MTSS2: variants seen among roughly 807,000 people sequenced by gnomAD.
MTSS2 encodes protein MTSS 2.
A neutral mutation model predicts 67.1 loss-of-function variants in MTSS2; 27 were observed. The ratio of observed to expected loss-of-function variants is 0.40; its 90% CI spans 0.30 to 0.55. The LOEUF is 0.55. Ranked by LOEUF, MTSS2 falls within the 20% of genes least tolerant of loss-of-function variation. MTSS2 has a pLI of 0.43. For synonymous variants in MTSS2, 624 were observed against 468.6 expected, an observed-to-expected ratio of 1.33 and a Z score of -4.28; for missense variants, 1,171 against 1,067.8, an observed-to-expected ratio of 1.10 and a Z score of -1.35.
chr16:70,670,045 T>A (rs1597807039), intron 11 of MTSS2, among the ~76,000 whole-genome samples: 1 of 149,850 alleles, frequency 6.7e-6, no homozygotes, highest in South Asian at 2.1e-4. Flanking sequence ...CTGAGGGGGG[T>A]GGACTGCCTG....
chr16:70,677,948 G>C (rs371907907), intron 8 of MTSS2, 49 bp from the exon 9 acceptor site: 1 of 1,420,308 alleles, frequency 7.0e-7, no homozygotes. Context: ...CCACCTGCCC[G>C]CCTGCCCAGC....
chr16:70,661,292 T>G lies in MTSS2; in HGVS notation c.*2385A>C. On this transcript the variant is annotated 3_prime_UTR_variant, in exon 15 of 15. Coordinates refer to ENST00000338779, the MANE Select transcript of MTSS2 (RefSeq NM_138383.3). ...GTGACTATATTTAAATCGGGGAGGA[T>G]GGTGTGGAGGGGGCGGGGAGGAGAG... 2.3e-6 allele frequency: 1 copy of G among 437,278 alleles called. No homozygotes were observed. Among genetic ancestry groups the G allele is most frequent in the African/African-American group, 2.2e-5 (1 of 44,782 alleles). The allele number at this position is 437,278 out of a possible 1,614,324, so 27.1% of individuals were successfully genotyped here.
Position 70,663,653 on chromosome 16 carries a change from G to A in MTSS2, c.*24C>T. On this transcript the variant is annotated 3_prime_UTR_variant, in exon 15 of 15. Transcript: ENST00000338779. ...AGGCCACCTGCTCGCACTGGGGCCT[G>A]AGAGGATGGGGAGGGTGGCGCCATC... The A allele has an allele frequency of 6.4e-7, 1 of 1,550,768 alleles. No individual in the cohort carries two copies. Among genetic ancestry groups the A allele is most frequent in the Non-Finnish European group, 8.7e-7 (1 of 1,148,978 alleles).
chr16:70,681,932 C>T (rs1472849052), intron 1 of MTSS2, among the ~76,000 whole-genome samples: 1 of 152,218 alleles, frequency 6.6e-6, no homozygotes, highest in Non-Finnish European at 1.5e-5. Context: ...CAGCCAAGCC[C>T]CAGCCCACAG....
At chr16:70,683,287 G>A (rs532699397) in intron 1 of MTSS2, among the ~76,000 whole-genome samples, 1 of 152,330 alleles carries the variant, frequency 6.6e-6, no homozygotes, top group East Asian at 1.9e-4. Flanking sequence ...ATCAGGAGAG[G>A]AGGAGCACCT....
chr16:70,679,642 T>C lies in MTSS2; in HGVS notation c.445A>G (p.Lys149Glu), dbSNP rs2053233409. Residue 149 changes from lysine (K) to glutamate (E), a missense_variant, in exon 6 of 15, where the codon AAG becomes GAG. By Grantham distance (56) the Lys-to-Glu change is moderately conservative. This residue lies in a region of MTSS2 where 247 missense variants were observed against 311.8 expected (regional missense o/e 0.79). Coordinates refer to ENST00000338779, the MANE Select transcript of MTSS2 (RefSeq NM_138383.3). Reference sequence around the variant, plus strand: ...CGCCAGGCACTACCTTTGCGCGCCTTCTTCTGCAGCTTCAGCGTGTCCGAC... The same window carrying C: ...CGCCAGGCACTACCTTTGCGCGCCTCCTTCTGCAGCTTCAGCGTGTCCGAC... ...KSSDTLKLQK[K>E]ARKELLGKGD... 6.2e-7 allele frequency: 1 copy of C among 1,606,506 alleles called. No individual in the cohort carries two copies. Among genetic ancestry groups the C allele is most frequent in the Non-Finnish European group, 8.5e-7 (1 of 1,176,768 alleles).
At chr16:70,672,417 C>T (rs1399337320) in intron 11 of MTSS2, among the ~76,000 whole-genome samples, 2 of 149,848 alleles carry the variant, frequency 1.3e-5, no homozygotes, top group Admixed American at 1.3e-4. Flanking sequence ...GGTCATGGAC[C>T]CCTGGACCAG....
chr16:70,673,194 A>G, intron 11 of MTSS2, among the ~76,000 whole-genome samples: 1 of 152,190 alleles, frequency 6.6e-6, no homozygotes. Flanking sequence ...AAAATGAAAT[A>G]ATGACTGAAA....
Position 70,678,370 on chromosome 16 carries a change from T to G in MTSS2, c.506A>C (p.Gln169Pro). 1.2e-6 allele frequency: 2 copies of G among 1,612,902 alleles called. No individual in the cohort carries two copies. Among genetic ancestry groups the G allele is most frequent in the Non-Finnish European group, 1.7e-6 (2 of 1,179,942 alleles). ...DLQPQLDSAL[Q>P]DVNDMYLLLE... ...CAGCAGGTACATGTCGTTGACGTCCTGCAGGGCACTGTCCAGCTGGGGCTG... is the reference window on the plus strand; with the variant it reads ...CAGCAGGTACATGTCGTTGACGTCCGGCAGGGCACTGTCCAGCTGGGGCTG... Residue 169 changes from glutamine (Q) to proline (P), a missense_variant, in exon 8 of 15, where the codon CAG becomes CCG. Gln to Pro is a moderately conservative substitution (Grantham distance 76, BLOSUM62 -1). This residue lies in a region of MTSS2 where 247 missense variants were observed against 311.8 expected (regional missense o/e 0.79). Coordinates refer to ENST00000338779, the MANE Select transcript of MTSS2 (RefSeq NM_138383.3).
chr16:70,664,841 G>A (rs1311336284), intron 13 of MTSS2, 78 bp from the exon 14 acceptor site: 3 of 1,518,406 alleles, frequency 2.0e-6, no homozygotes, highest in South Asian at 1.3e-5. Context: ...CCTGCCAGGT[G>A]GTTGGAGCCG....
Position 70,663,561 on chromosome 16 carries a change from C to T in MTSS2, c.*116G>A, listed in dbSNP as rs1597793132. 6.3e-6 allele frequency: 9 copies of T among 1,430,062 alleles called. No individual in the cohort carries two copies. The highest frequency in any genetic ancestry group is 5.1e-5 in the East Asian group (2 of 38,848). The allele number at this position is 1,430,062 out of a possible 1,614,324, so 88.6% of individuals were successfully genotyped here. On this transcript the variant is annotated 3_prime_UTR_variant, in exon 15 of 15. Coordinates refer to ENST00000338779, the MANE Select transcript of MTSS2 (RefSeq NM_138383.3). ...GGTGTCTTTCCATAAAGTGGCATGG[C>T]CTCTGCCCTGGCTCTGTCCTCTCTC...
At chr16:70,682,432 C>T (rs2053330669) in intron 1 of MTSS2, among the ~76,000 whole-genome samples, 1 of 152,106 alleles carries the variant, frequency 6.6e-6, no homozygotes. Flanking sequence ...CTAAGATCTC[C>T]CTTTAGGGAG....
Position 70,679,837 on chromosome 16 carries a change from T to C in MTSS2, c.331A>G (p.Ile111Val). 6.2e-7 allele frequency: 1 copy of C among 1,606,592 alleles called. No individual in the cohort carries two copies. Among genetic ancestry groups the C allele is most frequent in the East Asian group, 2.2e-5 (1 of 44,844 alleles). The change falls in exon 5 of 15, where the codon ATC (isoleucine) becomes GTC (valine). Residue 111 changes from isoleucine to valine, a missense_variant. By Grantham distance (29) the Ile-to-Val change is conservative. Coordinates refer to ENST00000338779, the MANE Select transcript of MTSS2 (RefSeq NM_138383.3). ...TTGGCCGCCTTCTTCCAGTCCTCGATGCGCTCCTGCAGCGGGTTGATGAGG... is the reference window on the plus strand; with the variant it reads ...TTGGCCGCCTTCTTCCAGTCCTCGACGCGCTCCTGCAGCGGGTTGATGAGG... Reference protein sequence around the residue: ...ESLINPLQERIEDWKKAANQL... With the variant: ...ESLINPLQERVEDWKKAANQL...
intron 11 of MTSS2, among the ~76,000 whole-genome samples, chr16:70,670,676 G>C (rs1311469277): frequency 6.6e-6 from 1 of 152,008 alleles, no homozygotes; most frequent in East Asian, 1.9e-4. Flanking sequence ...CATGTAGAAA[G>C]GATAAAAAGG....
At chr16:70,683,101 C>T (rs1394505824) in intron 1 of MTSS2, among the ~76,000 whole-genome samples, 1 of 152,198 alleles carries the variant, frequency 6.6e-6, no homozygotes, top group Non-Finnish European at 1.5e-5. Flanking sequence ...AGGGGCTTCT[C>T]ATTAGAGGCG....
intron 1 of MTSS2, among the ~76,000 whole-genome samples, chr16:70,683,550 C>T (rs952790664): frequency 5.3e-5 from 8 of 152,248 alleles, no homozygotes; most frequent in African/African-American, 1.4e-4. Flanking sequence ...ATTCACCTTG[C>T]TGAAGGTGCC....
At chr16:70,675,806 C>G (rs1045422606) in intron 10 of MTSS2, among the ~76,000 whole-genome samples, 1 of 152,182 alleles carries the variant, frequency 6.6e-6, no homozygotes, top group African/African-American at 2.4e-5. Flanking sequence ...GGTGTGTGTG[C>G]GTACAGAGGT....
chr16:70,677,904 G>A lies in MTSS2; in HGVS notation c.625-5C>T. On this transcript the variant is annotated splice_region_variant and splice_polypyrimidine_tract_variant and intron_variant, in intron 8 of 14. Coordinates refer to ENST00000338779, the MANE Select transcript of MTSS2 (RefSeq NM_138383.3). ...CAGCATGGTCAGCTCTCCATTCTGA[G>A]GAAGCAGCGAGTCAGACCTGCTGGC... The A allele has an allele frequency of 1.9e-6, 3 of 1,593,232 alleles. No homozygotes were observed. The highest frequency in any genetic ancestry group is 2.6e-6 in the Non-Finnish European group (3 of 1,170,570).
In MTSS2 at chr16:70,664,243, CG is replaced by C; in HGVS notation, c.1677del (p.Gly560AlafsTer34). 9 of 1,564,826 alleles carry C rather than the reference CG, an allele frequency of 5.8e-6. No homozygotes were observed. Among genetic ancestry groups the C allele is most frequent in the Admixed American group, 1.8e-5 (1 of 54,994 alleles). ...TATGLPSGAP[P>X]GVATIRRTPS... is the part of the protein sequence containing the mutation. ...GGTGTGCGGCGGATGGTGGCCACGC[CG>C]GGGGGTGCGCCCGAGGGCAGGCCAG... On this transcript the variant is annotated frameshift_variant, in exon 15 of 15. Transcript: ENST00000338779. LOFTEE classifies it low-confidence loss of function (END_TRUNC).
Sources: allele counts gnomAD v4.1 joint callset (sites outside exome capture counted in the v4.1 genomes callset), GRCh38; gene constraint gnomAD v4.1.1; regional missense constraint gnomAD v4.1.1; transcripts MANE v1.5; gene names NCBI Gene and HGNC (gene_info 2026-07-23, HGNC 2026-07-21).